RASGRF2: variants seen among roughly 807,000 people sequenced by gnomAD.
RASGRF2 encodes Ras protein specific guanine nucleotide releasing factor 2.
Under a neutral mutation model 151.0 loss-of-function variants are expected in RASGRF2, and 76 were observed. The ratio of observed to expected loss-of-function variants is 0.50; its 90% confidence interval spans 0.42 to 0.61. RASGRF2 has a LOEUF of 0.61. RASGRF2 is among the 20% of genes least tolerant of loss of function. RASGRF2 has a pLI of 0.00. For missense variants in RASGRF2, 1,148 were observed against 1,564.6 expected, an observed-to-expected ratio of 0.73 and a Z score of 4.49; for synonymous variants, 504 against 566.5, an observed-to-expected ratio of 0.89 and a Z score of 1.57.
intron 17 of RASGRF2, among the ~76,000 whole-genome samples, chr5:81,176,139 T>A (rs1341643582): frequency 6.6e-6 from 1 of 152,214 alleles, no homozygotes; most frequent in Non-Finnish European, 1.5e-5. Context: ...ATCTCACCAC[T>A]TTTCACAGTC....
chr5:81,223,589 C>G (rs909536648), intron 26 of RASGRF2: 1 of 151,458 alleles, frequency 6.6e-6, no homozygotes, highest in South Asian at 2.1e-4. Context: ...TGCAGTGAGC[C>G]AAGATTGCGC....
intron 1 of RASGRF2, among the ~76,000 whole-genome samples, chr5:80,991,681 T>G (rs1748655824): frequency 6.6e-6 from 1 of 152,236 alleles, no homozygotes; most frequent in Non-Finnish European, 1.5e-5. Context: ...TAAAAAACCT[T>G]CTGAACTATT....
At chr5:81,164,379 A>G (rs899196869) in intron 17 of RASGRF2, among the ~76,000 whole-genome samples, 1 of 151,988 alleles carries the variant, frequency 6.6e-6, no homozygotes, top group Admixed American at 6.6e-5. Context: ...ACTTTTGGAA[A>G]GTTGTTTTTC....
chr5:81,067,989 T>C (rs775729465), intron 2 of RASGRF2, 43 bp from the exon 3 acceptor site: 6 of 1,530,980 alleles, frequency 3.9e-6, no homozygotes, highest in Non-Finnish European at 5.3e-6. Context: ...CTCTATATAG[T>C]AGAACAATAT....
chr5:81,096,777 G>A (rs2112509552), intron 12 of RASGRF2, among the ~76,000 whole-genome samples: 1 of 152,014 alleles, frequency 6.6e-6, no homozygotes, highest in East Asian at 1.9e-4. Flanking sequence ...AAAGGTCTAA[G>A]TGAGTCTTTC....
At position 80,960,506 on chromosome 5, in the gene RASGRF2, G is replaced by A. The variant is rs1172408997; in HGVS notation, c.-233G>A. Among the ~76,000 whole-genome samples, 1 of 150,650 alleles carries A rather than the reference G, an allele frequency of 6.6e-6. No homozygotes were observed. The highest frequency in any genetic ancestry group is 1.5e-5 in the Non-Finnish European group (1 of 67,572). Reference sequence around the variant, plus strand: ...CTTGGGGGGCTCCGGGGGCTCGGCCGGGAGGGTGGTGGTTAGGGCGGAGAG... The same window carrying A: ...CTTGGGGGGCTCCGGGGGCTCGGCCAGGAGGGTGGTGGTTAGGGCGGAGAG... On this transcript the variant is annotated 5_prime_UTR_variant, in exon 1 of 27. Coordinates refer to ENST00000265080, the MANE Select transcript of RASGRF2 (RefSeq NM_006909.3). This position sits in a 1 kb window ranked among gnomAD's most constrained non-coding sequence, Gnocchi z 5.5.
intron 1 of RASGRF2, among the ~76,000 whole-genome samples, chr5:80,964,851 T>C (rs1451396289): frequency 6.6e-6 from 1 of 152,102 alleles, no homozygotes; most frequent in Non-Finnish European, 1.5e-5. Context: ...TTTAAAAATA[T>C]TTGCATTTAG....
chr5:81,119,702 C>T (rs1033405613), intron 15 of RASGRF2, among the ~76,000 whole-genome samples: 2 of 152,210 alleles, frequency 1.3e-5, no homozygotes, highest in African/African-American at 4.8e-5. Flanking sequence ...CAGCACTGAT[C>T]ATTCATGGCC....
chr5:81,126,024 A>G (rs773137974), intron 16 of RASGRF2, among the ~76,000 whole-genome samples: 1 of 152,268 alleles, frequency 6.6e-6, no homozygotes, highest in Admixed American at 6.5e-5. Flanking sequence ...GCTTGGGCAC[A>G]TTAAGCAGCT....
intron 25 of RASGRF2, among the ~76,000 whole-genome samples, chr5:81,219,476 C>T (rs572888416): frequency 6.6e-6 from 1 of 152,230 alleles, no homozygotes; most frequent in East Asian, 1.9e-4. Context: ...CCACATATTG[C>T]CAGCTGTTCC....
chr5:81,181,018 C>G (rs1754904983), intron 18 of RASGRF2, among the ~76,000 whole-genome samples: 1 of 152,154 alleles, frequency 6.6e-6, no homozygotes, highest in Non-Finnish European at 1.5e-5. Context: ...GCCTGGCACC[C>G]TGCAAGGAGC....
intron 1 of RASGRF2, among the ~76,000 whole-genome samples, chr5:81,037,154 A>G (rs6867357): frequency 0.16 from 24,723 of 152,176 alleles, 2,633 homozygotes; most frequent in Middle Eastern, 0.36. Context: ...AGCCACCCCC[A>G]TGATTCAATT....
chr5:81,173,059 A>G (rs916689014), intron 17 of RASGRF2, among the ~76,000 whole-genome samples: 1 of 152,098 alleles, frequency 6.6e-6, no homozygotes, highest in South Asian at 2.1e-4. Context: ...AAAACAAAAG[A>G]TTGCCAACTG....
In RASGRF2 at chr5:81,227,304, C is replaced by T. The variant is rs1756020522; in HGVS notation, c.*1534C>T. 6.6e-6 allele frequency: 1 copy of T among 152,182 alleles called. No homozygotes were observed. Among genetic ancestry groups the T allele is most frequent in the Non-Finnish European group, 1.5e-5 (1 of 68,028 alleles). 9.4% of individuals were successfully genotyped at this position (152,182 alleles called of 1,614,324 possible). A position where few individuals can be genotyped will look rare whatever the true frequency, so the allele number is the denominator to read the frequency against. On this transcript the variant is annotated 3_prime_UTR_variant, in exon 27 of 27. Coordinates refer to ENST00000265080, the MANE Select transcript of RASGRF2 (RefSeq NM_006909.3). ...ATGCACCATAGAGGTAGAGAATGTA[C>T]ACTTTCTGCACGGTAAGTGCCATCT... is the stretch of plus-strand genomic sequence containing the variant.
Position 81,068,061 on chromosome 5 carries a change from T to A in RASGRF2, c.425T>A (p.Val142Glu). The A allele has an allele frequency of 6.2e-7, 1 of 1,609,556 alleles. No individual in the cohort carries two copies. The highest frequency in any genetic ancestry group is 8.5e-7 in the Non-Finnish European group (1 of 1,178,350). ...SYADILIEREVLMQKYIHLVQ... is the reference protein window; with the variant it reads ...SYADILIEREELMQKYIHLVQ... The stretch of plus-strand genomic sequence containing the variant: ...GCAGACATTTTGATTGAGAGGGAAG[T>A]ATTAATGCAGAAGTACATTCATCTA... The change falls in exon 3 of 27, where the codon GTA (valine) becomes GAA (glutamate). Residue 142 changes from valine to glutamate, a missense_variant. Val to Glu is a moderately radical substitution (Grantham distance 121). Transcript: ENST00000265080.
At chr5:81,038,499 T>C (rs553430996) in intron 1 of RASGRF2, among the ~76,000 whole-genome samples, 1 of 152,098 alleles carries the variant, frequency 6.6e-6, no homozygotes, top group Non-Finnish European at 1.5e-5. Flanking sequence ...CGTCTGGGTA[T>C]GGTGTGTTCA....
chr5:81,037,776 G>C (rs147665774), intron 1 of RASGRF2, among the ~76,000 whole-genome samples: 1 of 152,054 alleles, frequency 6.6e-6, no homozygotes, highest in Non-Finnish European at 1.5e-5. Flanking sequence ...AAATAAAAAG[G>C]TTTTTTTAAA....
At chr5:81,189,455 G>A (rs936389203) in intron 18 of RASGRF2, among the ~76,000 whole-genome samples, 1 of 151,762 alleles carries the variant, frequency 6.6e-6, no homozygotes, top group Non-Finnish European at 1.5e-5. Flanking sequence ...CTTGCAAATG[G>A]TGTTTTATGT....
rs185479392 is a variant in RASGRF2, at chr5:81,003,377, C to T, written c.289-39500C>T. 8.8e-4 allele frequency among the ~76,000 whole-genome samples: 134 copies of T among 152,264 alleles called. No homozygotes were observed. The East Asian group carries it at 0.019, about 22-fold the overall frequency. On this transcript the variant is annotated intron_variant, in intron 1 of 26. Transcript: ENST00000265080. ...AGCTGGGACTACAGGTGCCCACCACCACGCCCACCTAATTTTTTTGTATTT... is the reference window on the plus strand; with the variant it reads ...AGCTGGGACTACAGGTGCCCACCACTACGCCCACCTAATTTTTTTGTATTT...
Sources: allele counts gnomAD v4.1 joint callset (sites outside exome capture counted in the v4.1 genomes callset), GRCh38; gene constraint gnomAD v4.1.1; non-coding constraint Gnocchi (gnomAD v3.1); transcripts MANE v1.5; gene names NCBI Gene and HGNC (gene_info 2026-07-23, HGNC 2026-07-21).